Variants in NPAS1 observed in about 807,000 individuals in gnomAD.
NPAS1 encodes the protein neuronal PAS domain protein 1.
In NPAS1, 29 loss-of-function variants were observed where a neutral mutation model predicts 49.2. The ratio of observed to expected loss-of-function variants is 0.59; its 90% CI spans 0.44 to 0.80. The LOEUF (loss-of-function observed/expected upper bound fraction) is 0.80. Among genes scored for constraint, NPAS1 ranks in the 30% least tolerant of loss-of-function variants. The pLI is 0.00. For missense variants in NPAS1, 825 were observed against 835.5 expected (o/e 0.99, Z 0.15); for synonymous variants, 408 against 380.4 (o/e 1.07, Z -0.84).
Position 47,021,238 on chromosome 19 carries a change from C to T in NPAS1, c.122+69C>T, listed in dbSNP as rs2056838986. 7.2e-7 allele frequency: 1 copy of T among 1,387,698 alleles called. No homozygotes were observed. The highest frequency in any genetic ancestry group is 1.5e-5 in the African/African-American group (1 of 66,940). The allele number at this position is 1,387,698 out of a possible 1,614,324, so 86.0% of individuals were successfully genotyped here. ...TCCAATTCACACCCGATGTTCTGTCCCCGTGCCAAGGGGCAGTTCACACCC... is the reference window on the plus strand; with the variant it reads ...TCCAATTCACACCCGATGTTCTGTCTCCGTGCCAAGGGGCAGTTCACACCC... On this transcript the variant is annotated intron_variant, in intron 2 of 11. Coordinates refer to ENST00000602212, the MANE Select transcript of NPAS1 (RefSeq NM_002517.4). This position sits in a 1 kb window ranked among gnomAD's most constrained non-coding sequence, Gnocchi z 5.7.
intron 3 of NPAS1, among the ~76,000 whole-genome samples, chr19:47,031,535 C>CT (rs11346393): frequency 6.9e-4 from 98 of 141,892 alleles, no homozygotes; most frequent in South Asian, 1.8e-3. Flanking sequence ...TTCTTTCTTT[C>CT]TTTTTTTTTT....
intron 5 of NPAS1, chr19:47,035,715 A>C (rs2056946782): frequency 1.1e-5 from 5 of 448,510 alleles, no homozygotes; most frequent in Non-Finnish European, 1.6e-5. Context: ...CCACTCCCAC[A>C]CACAGCCCCT....
rs113225289 is a variant in NPAS1, at chr19:47,039,587, C to T, written c.962+23C>T. 6.5e-6 allele frequency: 10 copies of T among 1,531,742 alleles called. No homozygotes were observed. The Admixed American group carries it at 8.0e-5, about 12-fold the overall frequency. The allele number at this position is 1,531,742 out of a possible 1,614,324, so 94.9% of individuals were successfully genotyped here. On this transcript the variant is annotated intron_variant, in intron 8 of 11. Coordinates refer to ENST00000602212, the MANE Select transcript of NPAS1 (RefSeq NM_002517.4). ...CAGGTACCGGGGTTGGGGGCTGTGGCGGGTGGATTGGGGGCACAATGGAGA... is the reference window on the plus strand; with the variant it reads ...CAGGTACCGGGGTTGGGGGCTGTGGTGGGTGGATTGGGGGCACAATGGAGA...
Position 47,021,905 on chromosome 19 carries a change from C to G in NPAS1, c.358+58C>G. 1.7e-6 allele frequency: 2 copies of G among 1,180,436 alleles called. No individual in the cohort carries two copies. The highest frequency in any genetic ancestry group is 3.6e-5 in the Admixed American group (1 of 27,792). The allele number at this position is 1,180,436 out of a possible 1,614,324, so 73.1% of individuals were successfully genotyped here. ...GGCCCTCCAGGCGGAGTCACTGCAG[C>G]CCAGATCCGGGCTGCGGGCCTGCCC... On this transcript the variant is annotated intron_variant, in intron 3 of 11. Transcript: ENST00000602212. The surrounding 1 kb of genome is among the most constrained non-coding windows in gnomAD (Gnocchi z 5.7).
intron 9 of NPAS1, 90 bp from the exon 10 acceptor site, chr19:47,040,888 C>T (rs2057013293): frequency 8.9e-7 from 1 of 1,126,308 alleles, no homozygotes; most frequent in South Asian, 1.7e-5. Flanking sequence ...CCTGCTCTCA[C>T]TCCTCCTGTC....
intron 3 of NPAS1, among the ~76,000 whole-genome samples, chr19:47,026,564 G>C (rs2056871911): frequency 6.6e-6 from 1 of 152,218 alleles, no homozygotes; most frequent in South Asian, 2.1e-4. Context: ...CCTGGGACTT[G>C]CTTAAAATGC....
intron 8 of NPAS1, among the ~76,000 whole-genome samples, chr19:47,040,173 C>T (rs898013870): frequency 2.0e-5 from 3 of 152,140 alleles, no homozygotes; most frequent in Admixed American, 1.3e-4. Context: ...TAGGCGTGCA[C>T]CACCACAACC....
chr19:47,043,795 T>C (rs2057046430), intron 11 of NPAS1, among the ~76,000 whole-genome samples: 1 of 151,574 alleles, frequency 6.6e-6, no homozygotes, highest in East Asian at 2.0e-4. Context: ...CCCGGTGTGG[T>C]GGCTTATGCC....
chr19:47,032,185 G>A lies in NPAS1; in HGVS notation c.359-93G>A, dbSNP rs111761806. On this transcript the variant is annotated intron_variant, in intron 3 of 11. Transcript: ENST00000602212. ...CCCCAAGATGTCTACAAGCCTTAGGGGAAGAGAGGGAGGTTTGTAGACTGG... is the reference window on the plus strand; with the variant it reads ...CCCCAAGATGTCTACAAGCCTTAGGAGAAGAGAGGGAGGTTTGTAGACTGG... The A allele has an allele frequency of 1.7e-4, 200 of 1,151,446 alleles. 2 individuals are homozygous for A. The African/African-American group carries it at 2.4e-3, about 14-fold the overall frequency. The allele number at this position is 1,151,446 out of a possible 1,614,324, so 71.3% of individuals were successfully genotyped here.
Position 47,035,950 on chromosome 19 carries a change from T to G in NPAS1, c.523-14T>G. 1 of 1,512,452 alleles carries G rather than the reference T, an allele frequency of 6.6e-7. No homozygotes were observed. The highest frequency in any genetic ancestry group is 8.8e-7 in the Non-Finnish European group (1 of 1,131,800). The allele number at this position is 1,512,452 out of a possible 1,614,324, so 93.7% of individuals were successfully genotyped here. The stretch of plus-strand genomic sequence containing the variant: ...ACCTCACCCGCCCCCTGCATTCCCC[T>G]CCTTCGCCGGCAGGTGGAGATGACG... On this transcript the variant is annotated splice_polypyrimidine_tract_variant and intron_variant, in intron 5 of 11. Transcript: ENST00000602212.
chr19:47,042,646 C>G (rs1407936791), intron 10 of NPAS1, among the ~76,000 whole-genome samples, 164 bp from the exon 11 acceptor site: 3 of 152,234 alleles, frequency 2.0e-5, no homozygotes, highest in Non-Finnish European at 4.4e-5. Context: ...AGAAGTCAAC[C>G]CGGAGTTTAG....
At chr19:47,030,949 A>AT (rs2056901525) in intron 3 of NPAS1, among the ~76,000 whole-genome samples, 1 of 151,918 alleles carries the variant, frequency 6.6e-6, no homozygotes. Flanking sequence ...CCCTTTGCCC[A>AT]TTTTTGAATT....
chr19:47,028,621 C>A (rs547003314), intron 3 of NPAS1, among the ~76,000 whole-genome samples: 105 of 152,286 alleles, frequency 6.9e-4, no homozygotes, highest in African/African-American at 2.5e-3. Context: ...CCGCTCCTGG[C>A]AAACCCGCTT....
chr19:47,032,345 C>T lies in NPAS1; in HGVS notation c.426C>T (p.Ile142=), dbSNP rs969658580. The change falls in exon 4 of 12, where the codon ATC becomes ATT. Residue 142 remains isoleucine (I), a synonymous_variant. Transcript: ENST00000602212. Reference sequence around the variant, plus strand: ...TCGAGCAGCACCTGGGAGGTCACATCTTGCAGGTGAGTGAGGCCCCTTCCC... The same window carrying T: ...TCGAGCAGCACCTGGGAGGTCACATTTTGCAGGTGAGTGAGGCCCCTTCCC... The part of the protein sequence containing the change: ...EVFEQHLGGH[I]LQSLDGFVFA... 2 of 1,614,044 alleles carry T rather than the reference C, an allele frequency of 1.2e-6. No individual in the cohort carries two copies. The highest frequency in any genetic ancestry group is 1.7e-6 in the Non-Finnish European group (2 of 1,179,994).
At chr19:47,042,284 G>C (rs1252960056) in intron 10 of NPAS1, among the ~76,000 whole-genome samples, 3 of 152,134 alleles carry the variant, frequency 2.0e-5, no homozygotes, top group Non-Finnish European at 4.4e-5. Context: ...ACTCCAGCCT[G>C]GGCAACACAG....
In NPAS1 at chr19:47,021,923, G is replaced by A; in HGVS notation, c.358+76G>A. 3.2e-6 allele frequency: 3 copies of A among 938,834 alleles called. No individual in the cohort carries two copies. Among genetic ancestry groups the A allele is most frequent in the Non-Finnish European group, 4.4e-6 (3 of 678,536 alleles). 58.2% of individuals were successfully genotyped at this position (938,834 alleles called of 1,614,324 possible). On this transcript the variant is annotated intron_variant, in intron 3 of 11. Coordinates refer to ENST00000602212, the MANE Select transcript of NPAS1 (RefSeq NM_002517.4). This position sits in a 1 kb window ranked among gnomAD's most constrained non-coding sequence, Gnocchi z 5.7. ...ACTGCAGCCCAGATCCGGGCTGCGG[G>A]CCTGCCCTCGCCCAGATGCTTGTCT...
chr19:47,041,030 CG>C lies in NPAS1; in HGVS notation c.1127del (p.Gly376AlafsTer128). ...GTTACTACCGTTGGCTGCAGCGTGC[CG>C]GGGGCTTCGTGTGGCTGCAGTCTGT... ...TGYYRWLQRA[G>X]GFVWLQSVAT... On this transcript the variant is annotated frameshift_variant, in exon 10 of 12. Coordinates refer to ENST00000602212, the MANE Select transcript of NPAS1 (RefSeq NM_002517.4). LOFTEE classifies it high-confidence loss of function. 4 of 1,569,256 alleles carry C rather than the reference CG, an allele frequency of 2.5e-6. No individual in the cohort carries two copies. The highest frequency in any genetic ancestry group is 2.6e-6 in the Non-Finnish European group (3 of 1,160,238).
In NPAS1 at chr19:47,032,742, C is replaced by T. The variant is rs2056916518; in HGVS notation, c.522+10C>T. The T allele has an allele frequency of 1.3e-6, 2 of 1,599,750 alleles. No homozygotes were observed. The highest frequency in any genetic ancestry group is 8.6e-7 in the Non-Finnish European group (1 of 1,167,140). ...TCTGGGTCTCTCACAGGTAAGGGAC[C>T]CCCAGTGGACCTGGATTGGCTCAGC... On this transcript the variant is annotated intron_variant, in intron 5 of 11. Coordinates refer to ENST00000602212, the MANE Select transcript of NPAS1 (RefSeq NM_002517.4).
intron 3 of NPAS1, among the ~76,000 whole-genome samples, chr19:47,029,866 A>G (rs1445501383): frequency 1.3e-5 from 2 of 152,250 alleles, no homozygotes; most frequent in African/African-American, 4.8e-5. Context: ...GCTAACTCGT[A>G]TGATAATTCC....
Sources: allele counts gnomAD v4.1 joint callset (sites outside exome capture counted in the v4.1 genomes callset), GRCh38; gene constraint gnomAD v4.1.1; non-coding constraint Gnocchi (gnomAD v3.1); transcripts MANE v1.5; gene names NCBI Gene and HGNC (gene_info 2026-07-23, HGNC 2026-07-21).